SEC23B: variants seen among roughly 807,000 people sequenced by gnomAD.
SEC23B encodes the protein SEC23 homolog B, COPII component, also known as protein transport protein Sec23B.
In SEC23B, 77 loss-of-function variants were observed where a neutral mutation model predicts 104.3. That is an observed-to-expected ratio of 0.74 (90% CI 0.61 to 0.89). SEC23B has a LOEUF of 0.89. Ranked by LOEUF, SEC23B falls within the 40% of genes least tolerant of loss-of-function variation. The probability of loss-of-function intolerance (pLI) is 0.00; values close to 1 mark genes in which losing one functional copy is unlikely to be tolerated. For missense variants in SEC23B, 885 were observed against 949.4 expected (o/e 0.93, Z 0.89); for synonymous variants, 338 against 332.5 (o/e 1.02, Z -0.18).
intron 4 of SEC23B, among the ~76,000 whole-genome samples, chr20:18,516,551 C>CTTTT (rs1242303509): frequency 7.6e-6 from 1 of 131,042 alleles, no homozygotes; most frequent in African/African-American, 2.9e-5. Flanking sequence ...TTTTCTTTTT[C>CTTTT]TTTTTTTTTT....
chr20:18,543,094 A>G lies in SEC23B; in HGVS notation c.1587A>G (p.Ala529=). 1 of 1,614,196 alleles carries G rather than the reference A, an allele frequency of 6.2e-7. No individual in the cohort carries two copies. Among genetic ancestry groups the G allele is most frequent in the Non-Finnish European group, 8.5e-7 (1 of 1,180,038 alleles). ...FDQEAAAVLM[A]RLGVFRAESE... ...AGGAGGCTGCGGCAGTGTTGATGGC[A>G]CGGCTTGGGGTGTTCCGAGCGGAGT... The change falls in exon 14 of 20, where the codon GCA becomes GCG. Residue 529 remains alanine (A), a synonymous_variant. Coordinates refer to ENST00000650089, the MANE Select transcript of SEC23B (RefSeq NM_006363.6).
chr20:18,516,913 A>G (rs1382228062), intron 4 of SEC23B, among the ~76,000 whole-genome samples: 1 of 150,772 alleles, frequency 6.6e-6, no homozygotes, highest in Non-Finnish European at 1.5e-5. Context: ...TACTTTTTCT[A>G]TTTCTAAAAA....
intron 4 of SEC23B, among the ~76,000 whole-genome samples, chr20:18,517,247 A>C (rs1324641220): frequency 6.6e-6 from 1 of 152,216 alleles, no homozygotes. Context: ...GTGGATTATC[A>C]TTAGTTCTTA....
intron 1 of SEC23B, among the ~76,000 whole-genome samples, chr20:18,510,398 C>T (rs186330113): frequency 6.6e-6 from 1 of 152,318 alleles, no homozygotes; most frequent in Non-Finnish European, 1.5e-5. Flanking sequence ...GGTTAACTGA[C>T]TTTTGGGTAT....
chr20:18,550,556 G>C (rs2060378291), intron 16 of SEC23B, among the ~76,000 whole-genome samples: 1 of 152,218 alleles, frequency 6.6e-6, no homozygotes. Flanking sequence ...TGTCTGTAGA[G>C]ATTGCTAAAA....
At chr20:18,533,715 A>C (rs1348159682) in intron 11 of SEC23B, among the ~76,000 whole-genome samples, 2 of 152,176 alleles carry the variant, frequency 1.3e-5, no homozygotes, top group Non-Finnish European at 2.9e-5. Flanking sequence ...AGGTGATTTG[A>C]GAGCACATTC....
At chr20:18,539,508 T>TCAA (rs1268086260) in intron 12 of SEC23B, among the ~76,000 whole-genome samples, 10 of 98,876 alleles carry the variant, frequency 1.0e-4, no homozygotes, top group Non-Finnish European at 1.9e-4. Flanking sequence ...AGACTCCGTC[T>TCAA]CAAAAAAAAA....
At chr20:18,515,788 T>C (rs2060019705) in intron 4 of SEC23B, 52 bp downstream of exon 4, 2 of 1,110,474 alleles carry the variant, frequency 1.8e-6, no homozygotes, top group African/African-American at 3.1e-5. Flanking sequence ...TGAATTTCTC[T>C]TGAAATCCTT....
intron 16 of SEC23B, among the ~76,000 whole-genome samples, chr20:18,550,838 A>G (rs1600276171): frequency 6.8e-6 from 1 of 146,116 alleles, no homozygotes; most frequent in Non-Finnish European, 1.5e-5. Flanking sequence ...AAAAAAAAAA[A>G]GGTATCATTA....
chr20:18,527,277 C>T (rs191367654), intron 8 of SEC23B, among the ~76,000 whole-genome samples: 1 of 151,788 alleles, frequency 6.6e-6, no homozygotes, highest in South Asian at 2.1e-4. Context: ...GCTTTTAATC[C>T]CAGCTACTTG....
chr20:18,517,516 G>A (rs1448463890), intron 4 of SEC23B, among the ~76,000 whole-genome samples: 1 of 152,164 alleles, frequency 6.6e-6, no homozygotes, highest in Non-Finnish European at 1.5e-5. Context: ...GGTCATAGGG[G>A]ATATGATGGC....
chr20:18,512,333 A>G (rs1329269376), intron 3 of SEC23B, 51 bp downstream of exon 3: 3 of 1,209,132 alleles, frequency 2.5e-6, no homozygotes, highest in Admixed American at 1.8e-5. Context: ...TAGTTGTATT[A>G]TGAAAAAAAT....
At chr20:18,513,445 A>G (rs1438855208) in intron 3 of SEC23B, among the ~76,000 whole-genome samples, 1 of 152,224 alleles carries the variant, frequency 6.6e-6, no homozygotes, top group Non-Finnish European at 1.5e-5. Flanking sequence ...ATTGACTTGT[A>G]TAATTAAAAT....
intron 8 of SEC23B, among the ~76,000 whole-genome samples, chr20:18,526,952 AC>A (rs2060139601): frequency 6.6e-6 from 1 of 152,212 alleles, no homozygotes; most frequent in Non-Finnish European, 1.5e-5. Context: ...GTGGTGACTC[AC>A]GCCTGTAGTC....
At chr20:18,544,502 C>T (rs1054222564) in intron 14 of SEC23B, among the ~76,000 whole-genome samples, 1 of 152,282 alleles carries the variant, frequency 6.6e-6, no homozygotes, top group Middle Eastern at 3.4e-3. Context: ...AATGAGCCTG[C>T]AGGAGCTAGC....
At chr20:18,547,216 C>T (rs1009783386) in intron 15 of SEC23B, among the ~76,000 whole-genome samples, 18 of 152,216 alleles carry the variant, frequency 1.2e-4, no homozygotes, top group African/African-American at 4.3e-4. Context: ...CTGTGACACT[C>T]AGTAGTGGGG....
intron 7 of SEC23B, 81 bp from the exon 8 acceptor site, chr20:18,526,292 G>T: frequency 6.8e-7 from 1 of 1,468,446 alleles, no homozygotes. Context: ...ATGCATCTTT[G>T]GAGTATTTCT....
chr20:18,556,571 C>A (rs2060440324), intron 19 of SEC23B, among the ~76,000 whole-genome samples: 1 of 152,142 alleles, frequency 6.6e-6, no homozygotes, highest in Non-Finnish European at 1.5e-5. Flanking sequence ...CCTTTTCAAT[C>A]TGAATAACTT....
Position 18,554,959 on chromosome 20 carries a change from CAGTAAAA to C in SEC23B, c.2149-148_2149-142del. On this transcript the variant is annotated intron_variant, in intron 18 of 19. Transcript: ENST00000650089. ...TAAGCTAAAGAAATAGATTACTGTG[CAGTAAAA>C]CAATTCTAATTAGATTACTGTGCAG... The C allele has an allele frequency of 1.1e-4, 9 of 82,938 alleles. 4 individuals are homozygous for C. Among genetic ancestry groups the C allele is most frequent in the Non-Finnish European group, 2.8e-4 (8 of 28,574 alleles). The allele number at this position is 82,938 out of a possible 1,614,324, so 5.1% of individuals were successfully genotyped here.
Sources: gnomAD v4.1 joint callset for allele counts (sites outside exome capture counted in the v4.1 genomes callset) on GRCh38, gnomAD v4.1.1 for gene constraint, MANE v1.5 for transcripts, NCBI Gene and HGNC (gene_info 2026-07-23, HGNC 2026-07-21) for gene names.